ALK: variants seen among roughly 807,000 people sequenced by gnomAD.
The protein encoded by ALK is ALK receptor tyrosine kinase.
Under a neutral mutation model 163.1 loss-of-function variants are expected in ALK, and 74 were observed. The observed-to-expected ratio is 0.45, with a 90% CI of 0.38 to 0.55. The LOEUF (loss-of-function observed/expected upper bound fraction) is 0.55. Among genes scored for constraint, ALK ranks in the 20% least tolerant of loss-of-function variants. The probability of loss-of-function intolerance (pLI) is 0.00; values close to 1 mark genes in which losing one functional copy is unlikely to be tolerated. For synonymous variants in ALK, 960 were observed against 843.2 expected (o/e 1.14, Z -2.40); for missense variants, 2,063 against 2,105.3 (o/e 0.98, Z 0.39).
chr2:29,373,250 A>G (rs1360115816), intron 5 of ALK, among the ~76,000 whole-genome samples: 1 of 152,270 alleles, frequency 6.6e-6, no homozygotes, highest in Non-Finnish European at 1.5e-5. Context: ...ATTTTAATGA[A>G]TTAAAAGTTA....
chr2:29,456,021 C>T (rs1432745454), intron 4 of ALK, among the ~76,000 whole-genome samples: 1 of 152,060 alleles, frequency 6.6e-6, no homozygotes, highest in Admixed American at 6.6e-5. Flanking sequence ...CATTAGGATG[C>T]CTATTATCAA....
At chr2:29,200,930 G>T (rs1261334621) in intron 26 of ALK, among the ~76,000 whole-genome samples, 5 of 150,778 alleles carry the variant, frequency 3.3e-5, no homozygotes, top group Non-Finnish European at 7.4e-5. Context: ...TGGAATGATT[G>T]ATAGAAATAA....
intron 1 of ALK, among the ~76,000 whole-genome samples, chr2:29,851,989 C>T (rs1311131162): frequency 6.6e-6 from 1 of 152,180 alleles, no homozygotes; most frequent in Non-Finnish European, 1.5e-5. Flanking sequence ...TTCTTATGTG[C>T]AGCCAAAGAA....
At chr2:29,774,020 C>T (rs1022137282) in intron 1 of ALK, among the ~76,000 whole-genome samples, 4 of 152,178 alleles carry the variant, frequency 2.6e-5, no homozygotes, top group African/African-American at 9.7e-5. Flanking sequence ...CCTTGCCCAT[C>T]GATGCTCAGA....
chr2:29,419,911 C>A (rs749480184), intron 4 of ALK, among the ~76,000 whole-genome samples: 1 of 151,294 alleles, frequency 6.6e-6, no homozygotes, highest in South Asian at 2.1e-4. Flanking sequence ...GCAAACCTAG[C>A]GCTTTGGGAG....
chr2:29,228,060 TG>T (rs1664061965), intron 16 of ALK, among the ~76,000 whole-genome samples: 1 of 152,104 alleles, frequency 6.6e-6, no homozygotes, highest in South Asian at 2.1e-4. Flanking sequence ...GGGTCAGGGT[TG>T]GGGTGTGGCG....
intron 4 of ALK, among the ~76,000 whole-genome samples, chr2:29,486,842 C>A (rs188929038): frequency 1.3e-5 from 2 of 151,970 alleles, no homozygotes; most frequent in African/African-American, 4.8e-5. Flanking sequence ...TAATTAAAAC[C>A]AAAGTGGGCA....
At chr2:29,650,048 C>T (rs1048972462) in intron 3 of ALK, among the ~76,000 whole-genome samples, 3 of 152,152 alleles carry the variant, frequency 2.0e-5, no homozygotes, top group African/African-American at 7.2e-5. Context: ...GTGTCCAACC[C>T]ATGCCTTCCA....
chr2:29,596,132 C>T (rs1206088224), intron 3 of ALK, among the ~76,000 whole-genome samples: 1 of 152,188 alleles, frequency 6.6e-6, no homozygotes, highest in African/African-American at 2.4e-5. Flanking sequence ...CAATTGCACA[C>T]GTTTGTGACT....
At chr2:29,513,559 T>G (rs1477191427) in intron 4 of ALK, among the ~76,000 whole-genome samples, 1 of 151,756 alleles carries the variant, frequency 6.6e-6, no homozygotes, top group Non-Finnish European at 1.5e-5. Context: ...GAAGAAAACC[T>G]AGGCATTACC....
At position 29,921,045 on chromosome 2, in the gene ALK, C is replaced by A. The variant is rs1667988146; in HGVS notation, c.-386G>T. The stretch of plus-strand genomic sequence containing the variant: ...ACCGTCCTCTCCTGCCCCCCGCAGT[C>A]GGAGCTGGGGTCTGTCCCCTCTCGG... On this transcript the variant is annotated 5_prime_UTR_variant, in exon 1 of 29. Transcript: ENST00000389048. The A allele has an allele frequency of 3.6e-6, 1 of 277,556 alleles. No homozygotes were observed. The highest frequency in any genetic ancestry group is 6.8e-6 in the Non-Finnish European group (1 of 146,768). 17.2% of individuals were successfully genotyped at this position (277,556 alleles called of 1,614,324 possible).
At position 29,824,012 on chromosome 2, in the gene ALK, G is replaced by C. The variant is rs1441425621; in HGVS notation, c.667+95981C>G. On this transcript the variant is annotated intron_variant, in intron 1 of 28. Transcript: ENST00000389048. ...ACATTGTTTGGTGGGCTGGGCCCAGGGTCCCATGCTGTGTGCAGTCTAGGG... is the reference window on the plus strand; with the variant it reads ...ACATTGTTTGGTGGGCTGGGCCCAGCGTCCCATGCTGTGTGCAGTCTAGGG... Among the ~76,000 whole-genome samples the C allele has an allele frequency of 2.6e-5, 4 of 152,280 alleles. No homozygotes were observed. In the East Asian group the frequency reaches 7.7e-4, roughly 29 times the overall value.
intron 3 of ALK, among the ~76,000 whole-genome samples, chr2:29,684,210 A>T (rs555043721): frequency 2.0e-5 from 3 of 152,338 alleles, no homozygotes; most frequent in African/African-American, 7.2e-5. Context: ...GATATATAGA[A>T]ATCAGTGAGG....
chr2:29,637,709 C>CAAAAAAAAAAAAAAAA lies in ALK; in HGVS notation c.952+57140_952+57141insTTTTTTTTTTTTTTTT, dbSNP rs70958274. ...GGGTGACAGAGCAAGACTCCGTCTC[C>CAAAAAAAAAAAAAAAA]AAAAAAAAAAAAAGAGGACTCTTTG... On this transcript the variant is annotated intron_variant, in intron 3 of 28. Coordinates refer to ENST00000389048, the MANE Select transcript of ALK (RefSeq NM_004304.5). 7.0e-4 allele frequency among the ~76,000 whole-genome samples: 79 copies of CAAAAAAAAAAAAAAAA among 112,280 alleles called. 2 individuals carry two copies. The highest frequency in any genetic ancestry group is 2.3e-3 in the African/African-American group (53 of 23,030). The allele number at this position is 112,280 out of a possible 152,430, so 73.7% of individuals were successfully genotyped here.
intron 4 of ALK, among the ~76,000 whole-genome samples, chr2:29,440,258 T>G (rs1189847627): frequency 6.6e-6 from 1 of 150,730 alleles, no homozygotes; most frequent in African/African-American, 2.4e-5. Flanking sequence ...AAAAAACCAC[T>G]AATACACATC....
chr2:29,505,806 GAAA>G (rs56339658), intron 4 of ALK, among the ~76,000 whole-genome samples: 2 of 137,924 alleles, frequency 1.5e-5, no homozygotes, highest in African/African-American at 2.8e-5. Flanking sequence ...TACACTAATT[GAAA>G]AAAAAAAAAA....
intron 4 of ALK, among the ~76,000 whole-genome samples, chr2:29,513,018 G>A (rs1012827511): frequency 1.8e-4 from 27 of 151,434 alleles, no homozygotes; most frequent in African/African-American, 6.6e-4. Context: ...ACAAATGGAA[G>A]AACATTCCAT....
chr2:29,208,083 T>C (rs1669362491), intron 25 of ALK: 1 of 453,972 alleles, frequency 2.2e-6, no homozygotes, highest in Non-Finnish European at 4.4e-6. Flanking sequence ...TCAGTCTCTC[T>C]CTCCCAAGGA....
At chr2:29,595,600 G>A (rs1055709690) in intron 3 of ALK, among the ~76,000 whole-genome samples, 5 of 152,160 alleles carry the variant, frequency 3.3e-5, no homozygotes, top group Non-Finnish European at 7.3e-5. Context: ...AATTACAGGC[G>A]TGAGCCGCCG....
Sources: allele counts gnomAD v4.1 joint callset (sites outside exome capture counted in the v4.1 genomes callset), GRCh38; gene constraint gnomAD v4.1.1; transcripts MANE v1.5; gene names NCBI Gene and HGNC (gene_info 2026-07-23, HGNC 2026-07-21).